The following UNC13C variants were observed in gnomAD, a reference collection of about 807,000 sequenced individuals.
The protein encoded by UNC13C is unc-13 homolog C, also known as protein unc-13 homolog C.
In UNC13C, 174 loss-of-function variants were observed where a neutral mutation model predicts 245.4. That is an observed-to-expected ratio of 0.71 (90% confidence interval 0.63 to 0.80). UNC13C has a LOEUF of 0.80. UNC13C is among the 30% of genes least tolerant of loss of function. The probability of loss-of-function intolerance (pLI) is 0.00; values close to 1 mark genes in which losing one functional copy is unlikely to be tolerated. For missense variants in UNC13C, 2,829 were observed against 2,602.9 expected (o/e 1.09, Z -1.89); for synonymous variants, 992 against 895.1 (o/e 1.11, Z -1.93).
At chr15:54,349,728 T>C (rs1245669523) in intron 17 of UNC13C, among the ~76,000 whole-genome samples, 4 of 152,152 alleles carry the variant, frequency 2.6e-5, no homozygotes, top group Non-Finnish European at 5.9e-5. Context: ...TGGGTACATA[T>C]TTTCACAAAG....
intron 17 of UNC13C, among the ~76,000 whole-genome samples, chr15:54,339,562 T>A (rs2038677209): frequency 6.6e-6 from 1 of 152,106 alleles, no homozygotes. Context: ...ATAATAGTCT[T>A]CAGTTCTATC....
At chr15:54,186,108 G>A (rs1321931645) in intron 4 of UNC13C, among the ~76,000 whole-genome samples, 2 of 151,632 alleles carry the variant, frequency 1.3e-5, no homozygotes, top group Non-Finnish European at 2.9e-5. Flanking sequence ...TGTGATTTTT[G>A]CACATTGATT....
the UNC13C span, among the ~76,000 whole-genome samples, chr15:53,938,926 A>G: frequency 2.0e-5 from 3 of 152,214 alleles, no homozygotes; most frequent in Non-Finnish European, 2.9e-5. Flanking sequence ...GTAACCTAAC[A>G]TCTCAGCTAA....
At chr15:54,031,168 T>C (rs1198124504) in intron 2 of UNC13C, among the ~76,000 whole-genome samples, 1 of 152,176 alleles carries the variant, frequency 6.6e-6, no homozygotes, top group African/African-American at 2.4e-5. Flanking sequence ...CTGGAGATGT[T>C]TGCATTTTAT....
intron 4 of UNC13C, among the ~76,000 whole-genome samples, chr15:54,226,888 C>G (rs1434615807): frequency 6.6e-6 from 1 of 152,128 alleles, no homozygotes; most frequent in Non-Finnish European, 1.5e-5. Flanking sequence ...GTGTCAGACC[C>G]CTGGCTCAGG....
chr15:54,032,959 T>C (rs1199346111), intron 2 of UNC13C, among the ~76,000 whole-genome samples: 1 of 152,146 alleles, frequency 6.6e-6, no homozygotes, highest in Non-Finnish European at 1.5e-5. Context: ...ATAAGAATGA[T>C]ACAATTGACT....
intron 30 of UNC13C, among the ~76,000 whole-genome samples, chr15:54,588,851 A>G (rs1457533703): frequency 6.6e-6 from 1 of 152,250 alleles, no homozygotes; most frequent in African/African-American, 2.4e-5. Context: ...ATTCCATTGT[A>G]TATATATACG....
intron 10 of UNC13C, among the ~76,000 whole-genome samples, chr15:54,281,817 A>G (rs984655594): frequency 2.0e-5 from 3 of 152,228 alleles, no homozygotes. Flanking sequence ...ATTAAGTAGT[A>G]CAATAGTCAA....
At chr15:54,097,570 T>G (rs532329037) in intron 2 of UNC13C, among the ~76,000 whole-genome samples, 26 of 152,348 alleles carry the variant, frequency 1.7e-4, no homozygotes, top group Admixed American at 2.0e-4. Context: ...ATGAGTTATT[T>G]TCTAGAAAGA....
intron 19 of UNC13C, among the ~76,000 whole-genome samples, chr15:54,474,599 T>C (rs1892627898): frequency 6.6e-6 from 1 of 152,114 alleles, no homozygotes. Flanking sequence ...TTTTGTCAGA[T>C]GAATAGTTTG....
At chr15:54,513,456 A>C (rs1195638790) in intron 24 of UNC13C, among the ~76,000 whole-genome samples, 9 of 152,296 alleles carry the variant, frequency 5.9e-5, no homozygotes, top group Admixed American at 5.2e-4. Flanking sequence ...CTTAAAGGAA[A>C]CTGGATGGGC....
At chr15:54,426,356 A>C (rs1481856209) in intron 19 of UNC13C, among the ~76,000 whole-genome samples, 1 of 148,492 alleles carries the variant, frequency 6.7e-6, no homozygotes, top group Non-Finnish European at 1.5e-5. Context: ...CAGTTTCTCA[A>C]AAGTTATCAC....
chr15:54,046,309 G>A (rs190209959), intron 2 of UNC13C, among the ~76,000 whole-genome samples: 2 of 152,088 alleles, frequency 1.3e-5, no homozygotes, highest in East Asian at 3.9e-4. Context: ...GTTAGGTTTA[G>A]CAATTATTCT....
At chr15:54,364,622 CT>C (rs1042145476) in intron 17 of UNC13C, among the ~76,000 whole-genome samples, 3 of 152,132 alleles carry the variant, frequency 2.0e-5, no homozygotes, top group African/African-American at 4.8e-5. Flanking sequence ...ACTGTAGTGA[CT>C]TTTTTGTTGG....
At chr15:54,421,918 G>C (rs1448360686) in intron 19 of UNC13C, among the ~76,000 whole-genome samples, 1 of 151,880 alleles carries the variant, frequency 6.6e-6, no homozygotes, top group African/African-American at 2.4e-5. Flanking sequence ...CAACACAACA[G>C]GCATGATCCC....
At chr15:54,118,411 A>G (rs2030428176) in intron 2 of UNC13C, among the ~76,000 whole-genome samples, 1 of 151,962 alleles carries the variant, frequency 6.6e-6, no homozygotes, top group African/African-American at 2.4e-5. Flanking sequence ...TCTTGTAGCT[A>G]TTTTAATTGG....
chr15:54,175,019 C>A (rs944460450), intron 4 of UNC13C, among the ~76,000 whole-genome samples: 1 of 152,166 alleles, frequency 6.6e-6, no homozygotes, highest in Non-Finnish European at 1.5e-5. Flanking sequence ...CTCGCCTAAG[C>A]ATGCTATCCC....
chr15:54,516,383 C>T (rs1394536062), intron 24 of UNC13C, among the ~76,000 whole-genome samples: 1 of 152,128 alleles, frequency 6.6e-6, no homozygotes, highest in African/African-American at 2.4e-5. Context: ...AACTCTACCC[C>T]CAGTGTATTT....
the UNC13C span, among the ~76,000 whole-genome samples, chr15:53,854,125 T>TTTTTGTTTTG: frequency 1.4e-5 from 2 of 146,366 alleles, no homozygotes; most frequent in Non-Finnish European, 1.5e-5. Flanking sequence ...TTTATAGGTT[T>TTTTTGTTTTG]TTTTTTTTTT....
Sources: allele counts gnomAD v4.1 joint callset (sites outside exome capture counted in the v4.1 genomes callset), GRCh38; gene constraint gnomAD v4.1.1; transcripts MANE v1.5; gene names NCBI Gene and HGNC (gene_info 2026-07-23, HGNC 2026-07-21).